Variants in OR6N1 observed in about 807,000 individuals in gnomAD.
The protein encoded by OR6N1 is olfactory receptor 6N1.
For synonymous variants in OR6N1, 170 were observed against 150.7 expected (o/e 1.13, Z -0.94); for missense variants, 394 against 371.7 (o/e 1.06, Z -0.49).
At chr1:158,778,241 C>T in the OR6N1 span, among the ~76,000 whole-genome samples, 1 of 152,292 alleles carries the variant, frequency 6.6e-6, no homozygotes, top group East Asian at 1.9e-4. Flanking sequence ...CACCAGGCAG[C>T]TTACAACCCT....
the OR6N1 span, among the ~76,000 whole-genome samples, chr1:158,806,435 A>C: frequency 6.6e-6 from 1 of 152,346 alleles, no homozygotes; most frequent in Non-Finnish European, 1.5e-5. Context: ...TGAAGTAACA[A>C]TGATTAATAT....
chr1:158,785,801 A>G, the OR6N1 span, among the ~76,000 whole-genome samples: 1 of 152,208 alleles, frequency 6.6e-6, no homozygotes, highest in African/African-American at 2.4e-5. Flanking sequence ...TAATTTAATC[A>G]ATATGAAATT....
At chr1:158,823,190 C>G in the OR6N1 span, among the ~76,000 whole-genome samples, 14 of 152,190 alleles carry the variant, frequency 9.2e-5, no homozygotes. Flanking sequence ...GCATCTCTGC[C>G]AGGTTTTAGT....
the OR6N1 span, among the ~76,000 whole-genome samples, chr1:158,800,183 A>G: frequency 2.0e-5 from 3 of 152,194 alleles, no homozygotes; most frequent in Non-Finnish European, 4.4e-5. Context: ...CAGAAGTTCA[A>G]TGATTCTCAG....
the OR6N1 span, among the ~76,000 whole-genome samples, chr1:158,832,509 A>G: frequency 6.6e-6 from 1 of 151,682 alleles, no homozygotes; most frequent in Non-Finnish European, 1.5e-5. Context: ...TTTACATAGA[A>G]TATGTATATC....
chr1:158,813,446 T>C, the OR6N1 span, among the ~76,000 whole-genome samples: 3 of 152,006 alleles, frequency 2.0e-5, no homozygotes, highest in African/African-American at 7.2e-5. Flanking sequence ...TTTACCAAAA[T>C]GAGGAGGCAC....
chr1:158,791,776 T>C, the OR6N1 span, among the ~76,000 whole-genome samples: 1 of 152,298 alleles, frequency 6.6e-6, no homozygotes, highest in East Asian at 1.9e-4. Context: ...TCAATTTTGA[T>C]TTTTAAAAGT....
the OR6N1 span, among the ~76,000 whole-genome samples, chr1:158,781,660 T>C: frequency 6.6e-6 from 1 of 152,254 alleles, no homozygotes; most frequent in Non-Finnish European, 1.5e-5. Context: ...CTTTTCCTGA[T>C]AATGTGCTGA....
the OR6N1 span, among the ~76,000 whole-genome samples, chr1:158,786,466 A>G: frequency 6.6e-6 from 1 of 152,250 alleles, no homozygotes; most frequent in Non-Finnish European, 1.5e-5. Flanking sequence ...AAGTAGAATT[A>G]CCATTCAATC....
the OR6N1 span, among the ~76,000 whole-genome samples, chr1:158,798,325 C>T: frequency 1.3e-5 from 2 of 151,036 alleles, no homozygotes; most frequent in South Asian, 2.1e-4. Flanking sequence ...AACTTGAATG[C>T]TTAGTTAATT....
the OR6N1 span, among the ~76,000 whole-genome samples, chr1:158,834,827 T>G: frequency 1.3e-5 from 2 of 152,232 alleles, no homozygotes; most frequent in East Asian, 3.8e-4. Context: ...GGTTCAACTT[T>G]TTGTATACAG....
chr1:158,814,734 C>T, the OR6N1 span, among the ~76,000 whole-genome samples: 1 of 152,078 alleles, frequency 6.6e-6, no homozygotes, highest in African/African-American at 2.4e-5. Context: ...TCTTAGTACC[C>T]CTTGGGGTTA....
chr1:158,801,964 A>G, the OR6N1 span, among the ~76,000 whole-genome samples: 2 of 151,914 alleles, frequency 1.3e-5, no homozygotes, highest in Admixed American at 1.3e-4. Flanking sequence ...CTTATATTTC[A>G]TGTTCCTGGA....
At chr1:158,807,028 A>G in the OR6N1 span, among the ~76,000 whole-genome samples, 1 of 141,164 alleles carries the variant, frequency 7.1e-6, no homozygotes, top group Non-Finnish European at 1.5e-5. Flanking sequence ...AAAAAAAAGT[A>G]CTGTAAGCAT....
chr1:158,810,938 A>G, the OR6N1 span, among the ~76,000 whole-genome samples: 1 of 151,940 alleles, frequency 6.6e-6, no homozygotes, highest in Non-Finnish European at 1.5e-5. Flanking sequence ...ACATAGGTAA[A>G]CCTATGTCAT....
the OR6N1 span, among the ~76,000 whole-genome samples, chr1:158,823,241 G>A: frequency 6.6e-6 from 1 of 152,112 alleles, no homozygotes; most frequent in Non-Finnish European, 1.5e-5. Context: ...TTGGGGCAGA[G>A]TCCTTCCTCC....
At chr1:158,839,977 T>G in the OR6N1 span, among the ~76,000 whole-genome samples, 2 of 152,186 alleles carry the variant, frequency 1.3e-5, no homozygotes, top group Non-Finnish European at 2.9e-5. Flanking sequence ...AATTTTAGTT[T>G]GAAAAATATT....
chr1:158,795,174 G>C, the OR6N1 span, among the ~76,000 whole-genome samples: 1 of 152,276 alleles, frequency 6.6e-6, no homozygotes, highest in East Asian at 1.9e-4. Context: ...AAACAGGCAG[G>C]GGGGTGTAGT....
the OR6N1 span, among the ~76,000 whole-genome samples, chr1:158,784,490 C>A: frequency 6.6e-6 from 1 of 152,058 alleles, no homozygotes; most frequent in African/African-American, 2.4e-5. Context: ...CCATAGTCAC[C>A]CTACTGTGCA....
Sources: gnomAD v4.1 joint callset for allele counts (sites outside exome capture counted in the v4.1 genomes callset) on GRCh38, gnomAD v4.1.1 for gene constraint, MANE v1.5 for transcripts, NCBI Gene and HGNC (gene_info 2026-07-23, HGNC 2026-07-21) for gene names.